The following PNMA5 variants were observed in gnomAD, a reference collection of about 807,000 sequenced individuals.
PNMA5 encodes the protein PNMA family member 5.
For missense variants in PNMA5, 334 were observed against 356.6 expected (o/e 0.94, Z 0.51); for synonymous variants, 138 against 137.9 (o/e 1.00, Z 0.00).
In PNMA5 at chrX:152,990,327, T is replaced by C. The variant is rs2050888645; in HGVS notation, c.1272A>G (p.Pro424=). 3 of 1,156,392 alleles carry C rather than the reference T, an allele frequency of 2.6e-6. No individual in the cohort carries two copies. The highest frequency in any genetic ancestry group is 3.4e-6 in the Non-Finnish European group (3 of 873,721). Residue 424 remains proline, a synonymous_variant, in exon 4 of 4, where the codon CCA becomes CCG. Transcript: ENST00000535214. ...AENQTPGREG[P]QAAGEELGNE... The stretch of plus-strand genomic sequence containing the variant: ...TTCCCAACTCCTCTCCTGCAGCCTG[T>C]GGCCCCTCCCTGCCTGGAGTCTGGT...
rs368167670 is a variant in PNMA5, at chrX:152,991,650, T to C, written c.-52A>G. ...AATACTAGGGCAGCAATCAGCTCAGTTTGACAGCACTCAAATAACTCTGAG... is the reference window on the plus strand; with the variant it reads ...AATACTAGGGCAGCAATCAGCTCAGCTTGACAGCACTCAAATAACTCTGAG... On this transcript the variant is annotated 5_prime_UTR_variant, in exon 4 of 4. Coordinates refer to ENST00000535214, the MANE Select transcript of PNMA5 (RefSeq NM_001184924.2). 7.3e-6 allele frequency: 8 copies of C among 1,100,803 alleles called. No individual in the cohort carries two copies. The African/African-American group carries it at 1.1e-4, about 15-fold the overall frequency. The allele number at this position is 1,100,803 out of a possible 1,213,427, so 90.7% of individuals were successfully genotyped here. A position where few individuals can be genotyped will look rare whatever the true frequency, so the allele number is the denominator to read the frequency against.
chrX:152,993,585 A>G (rs1220852354), intron 1 of PNMA5, among the ~76,000 whole-genome samples: 3 of 111,930 alleles, frequency 2.7e-5, no homozygotes, highest in Non-Finnish European at 5.7e-5. Context: ...TGGCTTTGTC[A>G]CCCAGGCTGG....
In PNMA5 at chrX:152,991,828, C is replaced by T. The variant is rs782740390; in HGVS notation, c.-124+74G>A. On this transcript the variant is annotated intron_variant, in intron 3 of 3. Transcript: ENST00000535214. The stretch of plus-strand genomic sequence containing the variant: ...CAAGCAGGGATGGAGTCCTTTCTTC[C>T]CAGGGTTCCCCAAGTCATTTTGGGG... 1,924 of 364,662 alleles carry T rather than the reference C, an allele frequency of 5.3e-3. 7 individuals are homozygous for T. The highest frequency in any genetic ancestry group is 5.8e-3 in the Non-Finnish European group (1,333 of 228,732). The allele number at this position is 364,662 out of a possible 1,213,427, so 30.1% of individuals were successfully genotyped here.
chrX:152,991,094 T>C lies in PNMA5; in HGVS notation c.505A>G (p.Ser169Gly), dbSNP rs782622035. The change falls in exon 4 of 4, where the codon AGC (serine) becomes GGC (glycine). Residue 169 changes from serine (S) to glycine (G), a missense_variant. Transcript: ENST00000535214. ...LKVFSGTASP[S>G]PGEETFEDWL... The stretch of plus-strand genomic sequence containing the variant: ...TCTTCAAAGGTCTCTTCGCCTGGGC[T>C]AGGGGAAGCAGTTCCCGAAAACACT... 1.3e-5 allele frequency: 16 copies of C among 1,202,843 alleles called. No individual in the cohort carries two copies. In the African/African-American group the frequency reaches 2.6e-4, roughly 20 times the overall value.
intron 1 of PNMA5, among the ~76,000 whole-genome samples, 198 bp downstream of exon 1, chrX:152,993,835 G>A (rs373166356): frequency 3.5e-3 from 393 of 112,656 alleles, no homozygotes; most frequent in African/African-American, 0.011. Context: ...GTGAGCCACC[G>A]CGCCCGGCCA....
intron 1 of PNMA5, among the ~76,000 whole-genome samples, chrX:152,993,115 C>T (rs1011414744): frequency 3.6e-5 from 4 of 109,693 alleles, no homozygotes; most frequent in Admixed American, 2.9e-4. Flanking sequence ...ATGTTGCAAC[C>T]CTTCCTAAGC....
chrX:152,991,772 C>A, intron 3 of PNMA5, 51 bp from the exon 4 acceptor site: 1 of 578,094 alleles, frequency 1.7e-6, no homozygotes, highest in Non-Finnish European at 2.4e-6. Context: ...CCAACCTACG[C>A]CCCCAAGCAC....
At position 152,991,009 on chromosome X, in the gene PNMA5, C is replaced by T; in HGVS notation, c.590G>A (p.Arg197Lys). Residue 197 changes from arginine (R) to lysine (K), a missense_variant, in exon 4 of 4, where the codon AGG becomes AAG. Physicochemically the swap from Arg to Lys is conservative, Grantham distance 26 (BLOSUM62 2). Coordinates refer to ENST00000535214, the MANE Select transcript of PNMA5 (RefSeq NM_001184924.2). ...ACGTAAGCTCTCCAGCAAACGCCGC[C>T]TCTTCTCCACCTCAGACACTTGCCA... ...PIWQVSEVEK[R>K]RRLLESLRGP... 8.3e-7 allele frequency: 1 copy of T among 1,204,316 alleles called. No individual in the cohort carries two copies. Among genetic ancestry groups the T allele is most frequent in the Non-Finnish European group, 1.1e-6 (1 of 892,473 alleles).
Position 152,991,679 on chromosome X carries a change from C to T in PNMA5, c.-81G>A. 1 of 1,082,914 alleles carries T rather than the reference C, an allele frequency of 9.2e-7. No individual in the cohort carries two copies. The highest frequency in any genetic ancestry group is 1.2e-6 in the Non-Finnish European group (1 of 829,224). 89.2% of individuals were successfully genotyped at this position (1,082,914 alleles called of 1,213,427 possible). ...ACAGCACTCAAATAACTCTGAGCCA[C>T]TGCCACGTAGGAAGGCAGAAGTGGT... On this transcript the variant is annotated 5_prime_UTR_variant, in exon 4 of 4. The change creates a new upstream start codon in the 5' untranslated region. Transcript: ENST00000535214.
chrX:152,992,533 A>G (rs937041576), intron 2 of PNMA5, 124 bp downstream of exon 2: 3 of 110,913 alleles, frequency 2.7e-5, no homozygotes, highest in Non-Finnish European at 5.7e-5. Context: ...GAAACCAACA[A>G]CTCTTGCCCT....
chrX:152,990,235 G>C lies in PNMA5; in HGVS notation c.*17C>G. 1 of 1,069,059 alleles carries C rather than the reference G, an allele frequency of 9.4e-7. No individual in the cohort carries two copies. The highest frequency in any genetic ancestry group is 1.9e-5 in the African/African-American group (1 of 52,696). 88.1% of individuals were successfully genotyped at this position (1,069,059 alleles called of 1,213,427 possible). On this transcript the variant is annotated 3_prime_UTR_variant, in exon 4 of 4. Transcript: ENST00000535214. ...CCTGCTGCCTGCCAGGGGAAGGAGT[G>C]CTTCGGTCTTCTGAGCCTATGTTTC... is the stretch of plus-strand genomic sequence containing the variant.
chrX:152,991,768 T>A (rs782797150), intron 3 of PNMA5, 47 bp from the exon 4 acceptor site: 23 of 660,654 alleles, frequency 3.5e-5, no homozygotes, highest in African/African-American at 1.4e-4. Context: ...CACCCCAACC[T>A]ACGCCCCCAA....
intron 1 of PNMA5, among the ~76,000 whole-genome samples, chrX:152,993,446 G>A (rs1556924971): frequency 9.0e-6 from 1 of 111,582 alleles, no homozygotes; most frequent in Non-Finnish European, 1.9e-5. Context: ...TCTAGGAGGG[G>A]AAGGTTCGAA....
rs1407831016 is a variant in PNMA5 at position 152,991,118 on chromosome X, C to T, written c.481G>A (p.Val161Met). 4.1e-6 allele frequency: 5 copies of T among 1,207,582 alleles called. No individual in the cohort carries two copies. Among genetic ancestry groups the T allele is most frequent in the African/African-American group, 3.5e-5 (2 of 57,770 alleles). Residue 161 changes from valine to methionine, a missense_variant, in exon 4 of 4, where the codon GTG becomes ATG. By Grantham distance (21) the Val-to-Met change is conservative (BLOSUM62 1). Transcript: ENST00000535214. ...CTAGGGGAAGCAGTTCCCGAAAACA[C>T]TTTCAGTTTCCTGTACCACATACTT... is the stretch of plus-strand genomic sequence containing the variant. Reference protein sequence around the residue: ...KESMWYRKLKVFSGTASPSPG... With the variant: ...KESMWYRKLKMFSGTASPSPG...
rs782068392 is a variant in PNMA5 at position 152,991,690 on chromosome X, G to C, written c.-92C>G. 1 of 1,061,130 alleles carries C rather than the reference G, an allele frequency of 9.4e-7. No homozygotes were observed. Among genetic ancestry groups the C allele is most frequent in the African/African-American group, 1.9e-5 (1 of 52,702 alleles). 87.4% of individuals were successfully genotyped at this position (1,061,130 alleles called of 1,213,427 possible). ...ATAACTCTGAGCCACTGCCACGTAG[G>C]AAGGCAGAAGTGGTCCCAGGTTTCA... On this transcript the variant is annotated 5_prime_UTR_variant, in exon 4 of 4. Coordinates refer to ENST00000535214, the MANE Select transcript of PNMA5 (RefSeq NM_001184924.2).
rs782539708 is a variant in PNMA5 at position 152,991,194 on chromosome X, A to C, written c.405T>G (p.Asp135Glu). Residue 135 changes from aspartate to glutamate, a missense_variant, in exon 4 of 4, where the codon GAT (aspartate) becomes GAG (glutamate). Asp to Glu is a conservative substitution (Grantham distance 45, BLOSUM62 2). Coordinates refer to ENST00000535214, the MANE Select transcript of PNMA5 (RefSeq NM_001184924.2). Reference protein sequence around the residue: ...GCCSLPAESLDAEVMPQVRSP... With the variant: ...GCCSLPAESLEAEVMPQVRSP... The stretch of plus-strand genomic sequence containing the variant: ...ATCTAACTTGGGGCATGACCTCTGC[A>C]TCCAGGCTCTCGGCAGGGAGGCTGC... The C allele has an allele frequency of 1.7e-6, 2 of 1,202,315 alleles. No homozygotes were observed.
Position 152,990,773 on chromosome X carries a change from T to G in PNMA5, c.826A>C (p.Lys276Gln). ...GTGCTGCGCACTGACAAGGGGCTCT[T>G]GTGCACGGCTTTCTGCAGCAGGGGC... Reference protein sequence around the residue: ...LEPLLQKAVHKSPLSVRSTDM... With the variant: ...LEPLLQKAVHQSPLSVRSTDM... Residue 276 changes from lysine (K) to glutamine (Q), a missense_variant, in exon 4 of 4, where the codon AAG becomes CAG. Physicochemically the swap from Lys to Gln is moderately conservative, Grantham distance 53. Coordinates refer to ENST00000535214, the MANE Select transcript of PNMA5 (RefSeq NM_001184924.2). 8.4e-7 allele frequency: 1 copy of G among 1,187,741 alleles called. No homozygotes were observed.
chrX:152,989,951 C>G lies in PNMA5; in HGVS notation c.*301G>C. On this transcript the variant is annotated 3_prime_UTR_variant, in exon 4 of 4. Coordinates refer to ENST00000535214, the MANE Select transcript of PNMA5 (RefSeq NM_001184924.2). The stretch of plus-strand genomic sequence containing the variant: ...GCCCCCAGCCACACCTTCTTCAGCC[C>G]CTGCTTCGCTGGGGTCCCCATCTGA... 1 of 258,062 alleles carries G rather than the reference C, an allele frequency of 3.9e-6. No homozygotes were observed. The highest frequency in any genetic ancestry group is 6.3e-5 in the East Asian group (1 of 15,996). The allele number at this position is 258,062 out of a possible 1,213,427, so 21.3% of individuals were successfully genotyped here.
At chrX:152,993,836 CGCCCG>C (rs1258611268) in intron 1 of PNMA5, among the ~76,000 whole-genome samples, 192 bp downstream of exon 1, 1 of 112,791 alleles carries the variant, frequency 8.9e-6, no homozygotes, top group Admixed American at 9.3e-5. Flanking sequence ...TGAGCCACCG[CGCCCG>C]GCCAGGTCTC....
Sources: allele counts gnomAD v4.1 joint callset (sites outside exome capture counted in the v4.1 genomes callset), GRCh38; gene constraint gnomAD v4.1.1; transcripts MANE v1.5; gene names NCBI Gene and HGNC (gene_info 2026-07-23, HGNC 2026-07-21).